Variants in PCDH15 observed in about 807,000 individuals in gnomAD.
PCDH15 encodes the protein protocadherin related 15, also known as protocadherin-15.
A neutral mutation model predicts 178.5 loss-of-function variants in PCDH15; 129 were observed. The observed-to-expected ratio is 0.72, with a 90% CI of 0.63 to 0.84. The LOEUF is 0.84. Ranked by LOEUF, PCDH15 falls within the 40% of genes least tolerant of loss-of-function variation. The pLI is 0.00. For missense variants in PCDH15, 2,230 were observed against 2,099.9 expected (o/e 1.06, Z -1.21); for synonymous variants, 800 against 732.0 (o/e 1.09, Z -1.50).
At chr10:54,677,236 G>C (rs540894074) in intron 1 of PCDH15, among the ~76,000 whole-genome samples, 24 of 152,132 alleles carry the variant, frequency 1.6e-4, no homozygotes, top group Middle Eastern at 3.4e-3. Flanking sequence ...AAAATTAGCC[G>C]GGAGTAAGGG....
chr10:55,296,962 G>T (rs553059824), intron 1 of PCDH15, among the ~76,000 whole-genome samples: 1 of 152,014 alleles, frequency 6.6e-6, no homozygotes, highest in South Asian at 2.1e-4. Flanking sequence ...TATAATTTTT[G>T]TGGGATGTAC....
intron 17 of PCDH15, among the ~76,000 whole-genome samples, chr10:54,068,886 C>T (rs1179702951): frequency 6.6e-6 from 1 of 152,066 alleles, no homozygotes; most frequent in African/African-American, 2.4e-5. Flanking sequence ...AAAAGATGCA[C>T]ACACACAAAC....
At chr10:55,079,398 A>C (rs1227393103) in intron 2 of PCDH15, among the ~76,000 whole-genome samples, 1 of 152,112 alleles carries the variant, frequency 6.6e-6, no homozygotes, top group Non-Finnish European at 1.5e-5. Context: ...GGTGACTTAG[A>C]ATGTGGTTAT....
intron 2 of PCDH15, among the ~76,000 whole-genome samples, chr10:55,137,746 A>G (rs1564828643): frequency 6.6e-6 from 1 of 152,172 alleles, no homozygotes; most frequent in South Asian, 2.1e-4. Context: ...AAAAGTTCAT[A>G]GACAATAAAA....
At chr10:54,393,001 A>T (rs1296504360) in intron 3 of PCDH15, among the ~76,000 whole-genome samples, 2 of 152,082 alleles carry the variant, frequency 1.3e-5, no homozygotes, top group African/African-American at 4.8e-5. Flanking sequence ...AATCACTGAT[A>T]TGTGATTAAA....
intron 1 of PCDH15, among the ~76,000 whole-genome samples, chr10:54,731,541 G>GATATATATATATATAT (rs1227921777): frequency 0.077 from 5,213 of 67,926 alleles, 887 homozygotes; most frequent in Non-Finnish European, 0.1. Context: ...GAAAATGTGA[G>GATATATATATATATAT]ATAGATATAT....
chr10:55,588,307 T>G (rs2132128211), intron 2 of PCDH15, among the ~76,000 whole-genome samples: 1 of 152,298 alleles, frequency 6.6e-6, no homozygotes, highest in African/African-American at 2.4e-5. Context: ...ACCCACAAAC[T>G]TCTTTGTGAG....
chr10:54,488,843 A>G (rs1295658902), intron 3 of PCDH15, among the ~76,000 whole-genome samples: 2 of 152,024 alleles, frequency 1.3e-5, no homozygotes, highest in Non-Finnish European at 2.9e-5. Flanking sequence ...AAAATGTAGT[A>G]GAATATGTTA....
intron 27 of PCDH15, among the ~76,000 whole-genome samples, chr10:53,861,562 C>T (rs1205250646): frequency 6.6e-6 from 1 of 151,968 alleles, no homozygotes; most frequent in African/African-American, 2.4e-5. Context: ...GCCACGAATA[C>T]AAATCACATA....
At chr10:54,269,747 T>G (rs1458367910) in intron 8 of PCDH15, among the ~76,000 whole-genome samples, 1 of 152,022 alleles carries the variant, frequency 6.6e-6, no homozygotes. Context: ...TTTCTTAGTT[T>G]TCTTTCCTCT....
chr10:54,189,907 ATG>A (rs1285496980), intron 11 of PCDH15, among the ~76,000 whole-genome samples: 3 of 140,148 alleles, frequency 2.1e-5, no homozygotes, highest in African/African-American at 8.2e-5. Flanking sequence ...TGGTTCATAT[ATG>A]TATACATGCA....
chr10:54,056,906 T>C (rs796752045), intron 18 of PCDH15, among the ~76,000 whole-genome samples: 1 of 151,994 alleles, frequency 6.6e-6, no homozygotes, highest in Non-Finnish European at 1.5e-5. Flanking sequence ...ATGAGAGAAA[T>C]TGGCCAAAAC....
chr10:54,512,319 ACT>A (rs1463746521), intron 3 of PCDH15, among the ~76,000 whole-genome samples: 3 of 145,228 alleles, frequency 2.1e-5, no homozygotes, highest in African/African-American at 5.1e-5. Context: ...ATATTTTAAA[ACT>A]CTATTGATTT....
At chr10:53,934,976 G>A (rs1354519522) in intron 25 of PCDH15, among the ~76,000 whole-genome samples, 1 of 149,810 alleles carries the variant, frequency 6.7e-6, no homozygotes, top group Non-Finnish European at 1.5e-5. Flanking sequence ...ATCCCTAAAT[G>A]AGACTTGAAC....
At chr10:54,735,985 G>A (rs1944062966) in intron 1 of PCDH15, among the ~76,000 whole-genome samples, 1 of 148,950 alleles carries the variant, frequency 6.7e-6, no homozygotes, top group African/African-American at 2.5e-5. Flanking sequence ...CCTGCACAAT[G>A]TGCACATGTA....
At chr10:54,349,180 G>A (rs554146848) in intron 5 of PCDH15, among the ~76,000 whole-genome samples, 1 of 152,280 alleles carries the variant, frequency 6.6e-6, no homozygotes, top group South Asian at 2.1e-4. Context: ...TAAAGGGGGT[G>A]CCCATGCCTT....
At chr10:54,227,220 T>G (rs952796424) in intron 9 of PCDH15, among the ~76,000 whole-genome samples, 4 of 152,066 alleles carry the variant, frequency 2.6e-5, no homozygotes, top group African/African-American at 7.3e-5. Context: ...TCCCTGCCCC[T>G]GAAGCAAACT....
chr10:53,875,394 A>G (rs1218820925), intron 26 of PCDH15, among the ~76,000 whole-genome samples: 1 of 152,018 alleles, frequency 6.6e-6, no homozygotes, highest in African/African-American at 2.4e-5. Context: ...ATGTCTAACA[A>G]GTTGGGTTAA....
At chr10:55,200,207 C>A (rs1416482983) in intron 1 of PCDH15, among the ~76,000 whole-genome samples, 2 of 152,154 alleles carry the variant, frequency 1.3e-5, no homozygotes, top group African/African-American at 4.8e-5. Flanking sequence ...CCCTGCAAAG[C>A]AACATGGAAG....
Sources: gnomAD v4.1 joint callset for allele counts (sites outside exome capture counted in the v4.1 genomes callset) on GRCh38, gnomAD v4.1.1 for gene constraint, MANE v1.5 for transcripts, NCBI Gene and HGNC (gene_info 2026-07-23, HGNC 2026-07-21) for gene names.